Variants in CEP112 observed in about 807,000 individuals in gnomAD.
CEP112 encodes the protein centrosomal protein 112.
CEP112 carries 127 observed loss-of-function variants against 153.0 expected under a neutral mutation model. The ratio of observed to expected loss-of-function variants is 0.83; its 90% confidence interval spans 0.72 to 0.96. CEP112 has a LOEUF of 0.96. CEP112 is among the 40% of genes least tolerant of loss of function. The pLI, the probability that CEP112 is intolerant of heterozygous loss-of-function variation, is 0.00. For synonymous variants in CEP112, 358 were observed against 374.4 expected, an observed-to-expected ratio of 0.96 and a Z score of 0.51; for missense variants, 1,089 against 1,101.2, an observed-to-expected ratio of 0.99 and a Z score of 0.16.
chr17:65,845,890 C>G (rs2057708826), intron 21 of CEP112, among the ~76,000 whole-genome samples: 1 of 152,150 alleles, frequency 6.6e-6, no homozygotes, highest in African/African-American at 2.4e-5. Flanking sequence ...TCTCTTAACT[C>G]AAAATCATTG....
chr17:65,713,839 C>A (rs576414112), intron 23 of CEP112, among the ~76,000 whole-genome samples: 2 of 152,228 alleles, frequency 1.3e-5, no homozygotes, highest in East Asian at 1.9e-4. Flanking sequence ...CCGCCCGCCT[C>A]GGCCTCCCAA....
At chr17:66,103,354 A>C (rs945169017) in intron 6 of CEP112, among the ~76,000 whole-genome samples, 1 of 152,152 alleles carries the variant, frequency 6.6e-6, no homozygotes, top group Admixed American at 6.5e-5. Context: ...TTTTTAAAAA[A>C]GATAAGAAAA....
At chr17:65,707,636 C>T (rs2048982397) in intron 23 of CEP112, among the ~76,000 whole-genome samples, 1 of 152,212 alleles carries the variant, frequency 6.6e-6, no homozygotes, top group Non-Finnish European at 1.5e-5. Flanking sequence ...CTTACAAATT[C>T]ATTACCATTA....
At chr17:66,081,316 TATC>T (rs1443123506) in intron 8 of CEP112, among the ~76,000 whole-genome samples, 2 of 152,228 alleles carry the variant, frequency 1.3e-5, no homozygotes, top group Admixed American at 1.3e-4. Context: ...AGGTGAAAAT[TATC>T]ATCAGAAAAA....
At chr17:65,839,502 T>A in intron 21 of CEP112, among the ~76,000 whole-genome samples, 1 of 150,300 alleles carries the variant, frequency 6.7e-6, no homozygotes, top group Non-Finnish European at 1.5e-5. Context: ...AAACCGTGTA[T>A]AGTAGAAACA....
chr17:65,846,925 C>A (rs1433104647), intron 21 of CEP112, among the ~76,000 whole-genome samples: 1 of 152,168 alleles, frequency 6.6e-6, no homozygotes, highest in East Asian at 1.9e-4. Flanking sequence ...TTCCTGCTTT[C>A]AGGGAATTCG....
chr17:65,990,829 C>G (rs1277165181), intron 17 of CEP112, among the ~76,000 whole-genome samples: 2 of 152,246 alleles, frequency 1.3e-5, no homozygotes, highest in Non-Finnish European at 2.9e-5. Context: ...CCTGTATCAG[C>G]TCTCCCAAGC....
intron 17 of CEP112, among the ~76,000 whole-genome samples, chr17:65,970,707 C>T (rs966986194): frequency 4.5e-5 from 5 of 110,694 alleles, no homozygotes; most frequent in African/African-American, 6.3e-5. Context: ...TACATGCATA[C>T]ACATGACATG....
At chr17:65,709,476 C>G (rs756838590) in intron 23 of CEP112, among the ~76,000 whole-genome samples, 2 of 152,132 alleles carry the variant, frequency 1.3e-5, no homozygotes, top group Non-Finnish European at 2.9e-5. Context: ...GGGGTTTCCC[C>G]TTATGAAACC....
chr17:65,937,773 G>A lies in CEP112; in HGVS notation c.1873-10084C>T, dbSNP rs529724226. Among the ~76,000 whole-genome samples the A allele has an allele frequency of 3.2e-4, 26 of 80,970 alleles. 9 individuals carry two copies. The highest frequency in any genetic ancestry group is 2.0e-3 in the Admixed American group (12 of 6,016). The allele number at this position is 80,970 out of a possible 152,430, so 53.1% of individuals were successfully genotyped here. A position where few individuals can be genotyped will look rare whatever the true frequency, so the allele number is the denominator to read the frequency against. ...CGTCAGCCCCCCAGCCCAGCCAGCC[G>A]CCCCGTCTGGGAGGGGGGTGGGGGG... On this transcript the variant is annotated intron_variant, in intron 18 of 26. Coordinates refer to ENST00000535342, the MANE Select transcript of CEP112 (RefSeq NM_001199165.4).
intron 20 of CEP112, among the ~76,000 whole-genome samples, chr17:65,882,788 A>T (rs1450638464): frequency 6.6e-6 from 1 of 152,240 alleles, no homozygotes; most frequent in East Asian, 1.9e-4. Flanking sequence ...AATGATAAAT[A>T]CACTGGCAAA....
At chr17:65,995,407 A>C (rs939113853) in intron 17 of CEP112, among the ~76,000 whole-genome samples, 1 of 152,170 alleles carries the variant, frequency 6.6e-6, no homozygotes, top group African/African-American at 2.4e-5. Context: ...AGGTGGGAAA[A>C]TAGAAGAGGG....
At chr17:65,940,037 A>G (rs1022895076) in intron 18 of CEP112, among the ~76,000 whole-genome samples, 5 of 152,186 alleles carry the variant, frequency 3.3e-5, no homozygotes, top group African/African-American at 1.2e-4. Context: ...CAAATAACTC[A>G]ATAGCAAGAA....
intron 17 of CEP112, among the ~76,000 whole-genome samples, chr17:65,977,668 C>G (rs2063085973): frequency 6.6e-6 from 1 of 152,166 alleles, no homozygotes; most frequent in African/African-American, 2.4e-5. Flanking sequence ...TGGCTGAGTA[C>G]AGTGGCTCAT....
chr17:65,897,690 G>C (rs2059704362), intron 20 of CEP112, among the ~76,000 whole-genome samples: 1 of 151,698 alleles, frequency 6.6e-6, no homozygotes, highest in Non-Finnish European at 1.5e-5. Context: ...TTTGTTTTTT[G>C]ATTTGAGAAT....
chr17:65,662,439 T>C (rs1015988746), intron 24 of CEP112, among the ~76,000 whole-genome samples: 5 of 152,226 alleles, frequency 3.3e-5, no homozygotes, highest in African/African-American at 4.8e-5. Flanking sequence ...GTGCATTCTT[T>C]ATAAAACTGT....
intron 19 of CEP112, among the ~76,000 whole-genome samples, chr17:65,909,939 T>C (rs1040609747): frequency 2.6e-5 from 4 of 152,154 alleles, no homozygotes; most frequent in African/African-American, 4.8e-5. Context: ...TTCCCCCTTC[T>C]GCCTGGGTGG....
chr17:66,178,302 C>T (rs1481350596), intron 2 of CEP112, among the ~76,000 whole-genome samples: 6 of 152,154 alleles, frequency 3.9e-5, no homozygotes, highest in Admixed American at 1.3e-4. Context: ...ATCTGCGTTG[C>T]TCTGATGATC....
At chr17:65,990,236 AG>A in intron 17 of CEP112, among the ~76,000 whole-genome samples, 1 of 152,178 alleles carries the variant, frequency 6.6e-6, no homozygotes, top group Non-Finnish European at 1.5e-5. Flanking sequence ...GGGCAGAGCA[AG>A]ATGGCTAAAT....
Sources: allele counts gnomAD v4.1 joint callset (sites outside exome capture counted in the v4.1 genomes callset), GRCh38; gene constraint gnomAD v4.1.1; transcripts MANE v1.5; gene names NCBI Gene and HGNC (gene_info 2026-07-23, HGNC 2026-07-21).